GRM8: variants seen among roughly 807,000 people sequenced by gnomAD.
The protein encoded by GRM8 is glutamate metabotropic receptor 8.
GRM8 carries 47 observed loss-of-function variants against 87.2 expected under a neutral mutation model. That is an observed-to-expected ratio of 0.54 (90% CI 0.43 to 0.69). The LOEUF is 0.69. GRM8 is among the 30% of genes least tolerant of loss of function. The probability of loss-of-function intolerance (pLI) is 0.00; values close to 1 mark genes in which losing one functional copy is unlikely to be tolerated. For missense variants in GRM8, 1,019 were observed against 1,139.2 expected, an observed-to-expected ratio of 0.89 and a Z score of 1.52; for synonymous variants, 396 against 404.5, an observed-to-expected ratio of 0.98 and a Z score of 0.25.
chr7:126,975,340 G>C (rs1810883449), intron 3 of GRM8, among the ~76,000 whole-genome samples: 1 of 152,158 alleles, frequency 6.6e-6, no homozygotes, highest in African/African-American at 2.4e-5. Flanking sequence ...CCAATCTTGA[G>C]ATTTGAGGAT....
chr7:126,453,927 G>C (rs938879878), intron 9 of GRM8, among the ~76,000 whole-genome samples: 2 of 151,636 alleles, frequency 1.3e-5, no homozygotes, highest in African/African-American at 4.8e-5. Flanking sequence ...CTCCTTTACA[G>C]GTATTTTTGC....
intron 9 of GRM8, among the ~76,000 whole-genome samples, chr7:126,509,472 C>A (rs2150736342): frequency 1.3e-5 from 2 of 152,108 alleles, no homozygotes; most frequent in Middle Eastern, 6.8e-3. Flanking sequence ...AAATAAATTA[C>A]AAATTGAGCA....
intron 3 of GRM8, among the ~76,000 whole-genome samples, chr7:127,002,995 T>C (rs1349268681): frequency 6.6e-6 from 1 of 151,658 alleles, no homozygotes; most frequent in Admixed American, 6.6e-5. Context: ...AACCTCTCTC[T>C]GGTGATCCTA....
chr7:126,999,411 C>T (rs1813502810), intron 3 of GRM8, among the ~76,000 whole-genome samples: 1 of 151,628 alleles, frequency 6.6e-6, no homozygotes, highest in Non-Finnish European at 1.5e-5. Flanking sequence ...AGTTAAAAAG[C>T]TTCTGCATAC....
chr7:126,853,748 G>A (rs1350977663), intron 6 of GRM8, among the ~76,000 whole-genome samples: 2 of 152,162 alleles, frequency 1.3e-5, no homozygotes. Flanking sequence ...GGACCCAGGG[G>A]CCATATGCCT....
At chr7:126,737,562 C>T (rs972556321) in intron 7 of GRM8, among the ~76,000 whole-genome samples, 2 of 151,930 alleles carry the variant, frequency 1.3e-5, no homozygotes, top group African/African-American at 2.4e-5. Context: ...GTCTAGGCAG[C>T]GGGCAAGGTG....
intron 6 of GRM8, among the ~76,000 whole-genome samples, chr7:126,863,577 A>G (rs556453224): frequency 6.6e-6 from 1 of 152,120 alleles, no homozygotes; most frequent in Admixed American, 6.6e-5. Context: ...TGCTCCTATA[A>G]CCACCACAAA....
chr7:127,122,168 A>G (rs1345531830), intron 2 of GRM8, among the ~76,000 whole-genome samples: 1 of 152,214 alleles, frequency 6.6e-6, no homozygotes, highest in African/African-American at 2.4e-5. Flanking sequence ...CAGATAACAC[A>G]TGGACATTGT....
chr7:126,858,040 G>GACT (rs1302589810), intron 6 of GRM8, among the ~76,000 whole-genome samples: 14 of 152,170 alleles, frequency 9.2e-5, no homozygotes, highest in African/African-American at 3.4e-4. Context: ...ACTAAAATCT[G>GACT]AGCCTTCCTA....
chr7:127,227,388 T>A (rs1008882780), intron 2 of GRM8, among the ~76,000 whole-genome samples: 3 of 152,148 alleles, frequency 2.0e-5, no homozygotes, highest in Non-Finnish European at 4.4e-5. Context: ...TCCTAATACA[T>A]CCATCCAACC....
intron 3 of GRM8, among the ~76,000 whole-genome samples, chr7:127,101,237 G>A (rs1267588732): frequency 6.6e-6 from 1 of 152,094 alleles, no homozygotes. Context: ...CCCTATATCA[G>A]GCCAAGATTG....
At chr7:126,988,614 T>C (rs1429419995) in intron 3 of GRM8, among the ~76,000 whole-genome samples, 2 of 152,220 alleles carry the variant, frequency 1.3e-5, no homozygotes, top group East Asian at 3.8e-4. Flanking sequence ...AGCCATATTT[T>C]TTTGAGTTAG....
At chr7:126,853,424 T>C (rs1202127913) in intron 6 of GRM8, among the ~76,000 whole-genome samples, 2 of 152,196 alleles carry the variant, frequency 1.3e-5, no homozygotes, top group African/African-American at 4.8e-5. Context: ...GGTGAGCCTC[T>C]AATGGACAAG....
chr7:126,535,262 C>T (rs1414123419), intron 8 of GRM8, among the ~76,000 whole-genome samples: 2 of 152,132 alleles, frequency 1.3e-5, no homozygotes, highest in African/African-American at 2.4e-5. Flanking sequence ...GATGATACGT[C>T]TCTTCTGAGG....
At chr7:126,936,858 T>G (rs904724221) in intron 3 of GRM8, among the ~76,000 whole-genome samples, 7 of 152,172 alleles carry the variant, frequency 4.6e-5, no homozygotes, top group African/African-American at 1.7e-4. Flanking sequence ...CCACCTTGAT[T>G]GAGACCATTG....
At chr7:127,224,980 C>T (rs1797227185) in intron 2 of GRM8, among the ~76,000 whole-genome samples, 1 of 152,130 alleles carries the variant, frequency 6.6e-6, no homozygotes, top group South Asian at 2.1e-4. Context: ...AATGATAAAT[C>T]ATGTATGTCT....
chr7:126,761,754 G>A (rs186338766), intron 7 of GRM8, among the ~76,000 whole-genome samples: 4 of 152,266 alleles, frequency 2.6e-5, no homozygotes, highest in Admixed American at 2.6e-4. Flanking sequence ...CACAGTGGAT[G>A]CTCAACTTTC....
chr7:127,223,862 A>T (rs76543020), intron 2 of GRM8, among the ~76,000 whole-genome samples: 5,805 of 151,814 alleles, frequency 0.038, 397 homozygotes, highest in African/African-American at 0.13. Context: ...GAAACAGAAG[A>T]TAGAAGAACC....
chr7:126,903,569 C>T (rs200693159), intron 5 of GRM8, among the ~76,000 whole-genome samples: 69 of 19,580 alleles, frequency 3.5e-3, no homozygotes, highest in African/African-American at 0.019. Context: ...AATACATACA[C>T]ACACACACAC....
Sources: gnomAD v4.1 joint callset for allele counts (sites outside exome capture counted in the v4.1 genomes callset) on GRCh38, gnomAD v4.1.1 for gene constraint, MANE v1.5 for transcripts, NCBI Gene and HGNC (gene_info 2026-07-23, HGNC 2026-07-21) for gene names.